The following PRKDC variants were observed in gnomAD, a reference collection of about 807,000 sequenced individuals.
The protein encoded by PRKDC is protein kinase, DNA-activated, catalytic subunit, also known as DNA-dependent protein kinase catalytic subunit.
A neutral mutation model predicts 486.9 loss-of-function variants in PRKDC; 82 were observed. The observed-to-expected ratio is 0.17, with a 90% CI of 0.14 to 0.20. The LOEUF (loss-of-function observed/expected upper bound fraction) is 0.20, where lower values mean the gene tolerates loss of function less well. Ranked by LOEUF, PRKDC falls within the 10% of genes least tolerant of loss-of-function variation. The probability of loss-of-function intolerance (pLI) is 1.00; values close to 1 mark genes in which losing one functional copy is unlikely to be tolerated. For synonymous variants in PRKDC, 1,895 were observed against 1,837.0 expected (o/e 1.03, Z -0.81); for missense variants, 4,504 against 5,038.2 (o/e 0.89, Z 3.21).
rs1057084028 is a variant in PRKDC at position 47,821,694 on chromosome 8, C to T, written c.9021G>A (p.Glu3007=). Reference sequence around the variant, plus strand: ...TAGAACAGTATTCAAGTGATTTCCACTCAGCAAGGTGGTTGTAACAGTCAA... The same window carrying T: ...TAGAACAGTATTCAAGTGATTTCCATTCAGCAAGGTGGTTGTAACAGTCAA... The part of the protein sequence containing the change: ...ASLDCYNHLA[E]WKSLEYCSTA... Residue 3007 remains glutamate, a synonymous_variant, in exon 65 of 86, where the codon GAG becomes GAA. Transcript: ENST00000314191. The T allele has an allele frequency of 2.5e-6, 4 of 1,601,962 alleles. No homozygotes were observed. Among genetic ancestry groups the T allele is most frequent in the South Asian group, 2.3e-5 (2 of 88,784 alleles).
At chr8:47,783,243 A>G (rs2086727176) in intron 78 of PRKDC, among the ~76,000 whole-genome samples, 1 of 144,772 alleles carries the variant, frequency 6.9e-6, no homozygotes, top group Non-Finnish European at 1.5e-5. Context: ...GGGCCACTGC[A>G]CTCCAGCCTG....
chr8:47,936,229 A>C, intron 12 of PRKDC, 124 bp downstream of exon 12: 3 of 1,087,054 alleles, frequency 2.8e-6, no homozygotes, highest in Non-Finnish European at 3.8e-6. Context: ...GCCACAAAGT[A>C]CTAACTAAAA....
intron 24 of PRKDC, 49 bp from the exon 25 acceptor site, chr8:47,912,611 C>A: frequency 6.8e-7 from 1 of 1,475,594 alleles, no homozygotes; most frequent in Non-Finnish European, 9.1e-7. Context: ...ACGTTGATGA[C>A]AAGAGAATAT....
At chr8:47,928,578 A>C (rs776107404) in intron 19 of PRKDC, among the ~76,000 whole-genome samples, 14 of 150,290 alleles carry the variant, frequency 9.3e-5, no homozygotes, top group South Asian at 2.1e-4. Flanking sequence ...TTTGAGACAC[A>C]GTCTTGCTCT....
chr8:47,930,510 G>A (rs1475672973), intron 17 of PRKDC, among the ~76,000 whole-genome samples, 162 bp downstream of exon 17: 1 of 152,154 alleles, frequency 6.6e-6, no homozygotes, highest in South Asian at 2.1e-4. Context: ...CTGACCTCGT[G>A]ATCCACCTGC....
In PRKDC at chr8:47,856,352, C is replaced by T. The variant is rs1017808656; in HGVS notation, c.6609+804G>A. On this transcript the variant is annotated intron_variant, in intron 49 of 85. Coordinates refer to ENST00000314191, the MANE Select transcript of PRKDC (RefSeq NM_006904.7). ...AAGCAATTCTCCTGCCTCAGCCTCC[C>T]GAATAGCTAGGATTATAGACATGCA... Among the ~76,000 whole-genome samples, 4 of 152,130 alleles carry T rather than the reference C, an allele frequency of 2.6e-5. No homozygotes were observed. In the East Asian group the frequency reaches 5.8e-4, roughly 22 times the overall value.
chr8:47,912,260 G>T, intron 25 of PRKDC, 150 bp downstream of exon 25: 1 of 820,022 alleles, frequency 1.2e-6, no homozygotes, highest in Non-Finnish European at 1.7e-6. Context: ...TCATGCCCAT[G>T]ACCAATTAAA....
chr8:47,825,677 T>C (rs2087723841), intron 63 of PRKDC, among the ~76,000 whole-genome samples: 1 of 152,208 alleles, frequency 6.6e-6, no homozygotes, highest in Non-Finnish European at 1.5e-5. Context: ...ATACACATTA[T>C]GTATGTTTAC....
chr8:47,932,476 C>T (rs1329407204), intron 16 of PRKDC, among the ~76,000 whole-genome samples: 1 of 152,170 alleles, frequency 6.6e-6, no homozygotes, highest in Non-Finnish European at 1.5e-5. Flanking sequence ...CTCGGCCTCC[C>T]AAAGTCCTGG....
At chr8:47,830,781 A>C in intron 60 of PRKDC, 45 bp from the exon 61 acceptor site, 3 of 1,612,284 alleles carry the variant, frequency 1.9e-6, no homozygotes, top group Non-Finnish European at 2.5e-6. Context: ...TTCTCATTGA[A>C]GGAAACTAGT....
chr8:47,834,171 A>T (rs1342059970), intron 59 of PRKDC, 25 bp downstream of exon 59: 2 of 1,613,512 alleles, frequency 1.2e-6, no homozygotes, highest in Non-Finnish European at 1.7e-6. Context: ...AAGCTATTTT[A>T]AGCACACTCA....
chr8:47,859,904 G>C (rs1287670965), intron 45 of PRKDC, 145 bp from the exon 46 acceptor site: 1 of 837,582 alleles, frequency 1.2e-6, no homozygotes, highest in East Asian at 2.7e-5. Flanking sequence ...CTATTATCCA[G>C]ATTAAGAAAG....
At chr8:47,937,438 T>G (rs2090370797) in intron 11 of PRKDC, among the ~76,000 whole-genome samples, 1 of 152,260 alleles carries the variant, frequency 6.6e-6, no homozygotes, top group Non-Finnish European at 1.5e-5. Context: ...GCCCCAAGGC[T>G]GTCCACCTAC....
At chr8:47,884,974 G>C (rs895485276) in intron 36 of PRKDC, among the ~76,000 whole-genome samples, 2 of 152,238 alleles carry the variant, frequency 1.3e-5, no homozygotes, top group African/African-American at 2.4e-5. Context: ...CCTGCAGCTG[G>C]TATGAATGCA....
At chr8:47,933,887 A>G (rs891223657) in intron 15 of PRKDC, 78 bp downstream of exon 15, 13 of 1,386,272 alleles carry the variant, frequency 9.4e-6, no homozygotes, top group Admixed American at 2.4e-5. Context: ...TATAATTCTG[A>G]AATAAGTCTT....
At chr8:47,891,263 C>T (rs138645991) in intron 31 of PRKDC, among the ~76,000 whole-genome samples, 7 of 152,292 alleles carry the variant, frequency 4.6e-5, no homozygotes, top group African/African-American at 1.7e-4. Context: ...AGAGTAAAGG[C>T]AACAATTGAG....
chr8:47,813,110 T>A (rs903310679), intron 68 of PRKDC, among the ~76,000 whole-genome samples: 19 of 147,598 alleles, frequency 1.3e-4, no homozygotes, highest in Admixed American at 8.7e-4. Flanking sequence ...TTTATTTATT[T>A]ATTTATTTAT....
intron 7 of PRKDC, among the ~76,000 whole-genome samples, chr8:47,946,906 C>T (rs2090542084): frequency 6.6e-6 from 1 of 152,202 alleles, no homozygotes; most frequent in Admixed American, 6.5e-5. Context: ...ACTCACATCC[C>T]ACACCCAACA....
intron 21 of PRKDC, 64 bp downstream of exon 21, chr8:47,927,130 C>A: frequency 6.7e-7 from 1 of 1,484,844 alleles, no homozygotes; most frequent in Non-Finnish European, 9.2e-7. Context: ...TACAGTCCTA[C>A]CTATTATAGT....
Sources: allele counts gnomAD v4.1 joint callset (sites outside exome capture counted in the v4.1 genomes callset), GRCh38; gene constraint gnomAD v4.1.1; transcripts MANE v1.5; gene names NCBI Gene and HGNC (gene_info 2026-07-23, HGNC 2026-07-21).